AMY2B: variants seen among roughly 807,000 people sequenced by gnomAD.
AMY2B encodes amylase alpha 2B.
In AMY2B, 63 loss-of-function variants were observed where a neutral mutation model predicts 59.3. The ratio of observed to expected loss-of-function variants is 1.06; its 90% CI spans 0.87 to 1.31. AMY2B has a LOEUF of 1.31. Ranked by LOEUF, AMY2B falls within the 50% of genes most tolerant of loss-of-function variation. The pLI is 0.00. For missense variants in AMY2B, 635 were observed against 626.7 expected (o/e 1.01, Z -0.14); for synonymous variants, 180 against 198.1 (o/e 0.91, Z 0.77).
At chr1:103,569,715 C>CT, upstream of AMY2B, 1 of 402,914 alleles carries the variant, frequency 2.5e-6, no homozygotes, top group Admixed American at 2.9e-5. Flanking sequence ...CCTATGTGGG[C>CT]TACATGGCTG....
intron 1 of AMY2B, among the ~76,000 whole-genome samples, chr1:103,557,418 A>G (rs1000381755): frequency 7.2e-5 from 11 of 152,150 alleles, no homozygotes; most frequent in African/African-American, 2.7e-4. Flanking sequence ...TGGGAGGCCA[A>G]CGCAGGTGGA....
chr1:103,556,231 G>C (rs1651543983), intron 1 of AMY2B, among the ~76,000 whole-genome samples: 2 of 152,136 alleles, frequency 1.3e-5, no homozygotes, highest in Non-Finnish European at 2.9e-5. Flanking sequence ...GTGGTTTTGT[G>C]TTTTTCTCCA....
intron 5 of AMY2B, among the ~76,000 whole-genome samples, 165 bp from the exon 6 acceptor site, chr1:103,575,058 A>ATG (rs1268577947): frequency 1.2e-5 from 1 of 86,480 alleles, no homozygotes; most frequent in South Asian, 5.2e-4. Flanking sequence ...GTGTGTGTGT[A>ATG]TGTATATATA....
chr1:103,564,028 A>G (rs1045701231), intron 1 of AMY2B, among the ~76,000 whole-genome samples: 3 of 152,154 alleles, frequency 2.0e-5, no homozygotes, highest in African/African-American at 7.2e-5. Flanking sequence ...GAAAGACAGT[A>G]TGAGTTGATA....
intron 1 of AMY2B, among the ~76,000 whole-genome samples, chr1:103,563,580 G>A (rs1171727614): frequency 1.3e-5 from 2 of 152,150 alleles, no homozygotes; most frequent in East Asian, 3.9e-4. Context: ...TGAAAATTAA[G>A]ATCAAATGAG....
chr1:103,570,474 A>G, upstream of AMY2B: 2 of 690,892 alleles, frequency 2.9e-6, no homozygotes, highest in Admixed American at 3.6e-5. Context: ...CCCAGGCATC[A>G]CCGACAGGAT....
rs778442863 is a variant in AMY2B at position 103,573,871 on chromosome 1, T to G, written c.677T>G (p.Leu226Trp). ...TGGCCTGGAGACATAAAGGCAATTT[T>G]GGACAAACTGCATAATCTAAACAGT... ...HMWPGDIKAI[L>W]DKLHNLNSNW... The change falls in exon 4 of 10, where the codon TTG (leucine) becomes TGG (tryptophan). Residue 226 changes from leucine to tryptophan, a missense_variant. Physicochemically the swap from Leu to Trp is moderately conservative, Grantham distance 61. Coordinates refer to ENST00000684275, the MANE Select transcript of AMY2B (RefSeq NM_001387437.1). The G allele has an allele frequency of 1.9e-6, 3 of 1,613,864 alleles. No homozygotes were observed. Among genetic ancestry groups the G allele is most frequent in the Middle Eastern group, 1.7e-4 (1 of 6,052 alleles).
chr1:103,573,878 A>G lies in AMY2B; in HGVS notation c.684A>G (p.Lys228=), dbSNP rs747797354. ...GAGACATAAAGGCAATTTTGGACAA[A>G]CTGCATAATCTAAACAGTAACTGGT... is the stretch of plus-strand genomic sequence containing the variant. ...WPGDIKAILD[K]LHNLNSNWFP... Residue 228 remains lysine (K), a synonymous_variant, in exon 4 of 10, where the codon AAA becomes AAG. Coordinates refer to ENST00000684275, the MANE Select transcript of AMY2B (RefSeq NM_001387437.1). 2.5e-6 allele frequency: 4 copies of G among 1,613,870 alleles called. No homozygotes were observed. The highest frequency in any genetic ancestry group is 3.4e-6 in the Non-Finnish European group (4 of 1,179,788).
chr1:103,577,924 T>A, intron 9 of AMY2B, 79 bp downstream of exon 9: 1 of 1,578,376 alleles, frequency 6.3e-7, no homozygotes, highest in Non-Finnish European at 8.5e-7. Context: ...TCATTGACAT[T>A]TATCATATCT....
chr1:103,567,591 A>G (rs1474508461), upstream of AMY2B, among the ~76,000 whole-genome samples: 1 of 152,150 alleles, frequency 6.6e-6, no homozygotes, highest in Non-Finnish European at 1.5e-5. Context: ...TTCCTGGACC[A>G]CTGTAAAAGT....
In AMY2B at chr1:103,579,226, A is replaced by G. The variant is rs925458080; in HGVS notation, c.1347-85A>G. The G allele has an allele frequency of 3.7e-6, 6 of 1,608,330 alleles. No individual in the cohort carries two copies. In the Admixed American group the frequency reaches 1.0e-4, roughly 27 times the overall value. ...AGACTTCACTGCTTAGGGTTCTACA[A>G]CATAAAGTTATGCTGTTTAGTTGTG... On this transcript the variant is annotated intron_variant, in intron 9 of 9. Coordinates refer to ENST00000684275, the MANE Select transcript of AMY2B (RefSeq NM_001387437.1).
rs1652280152 is a variant in AMY2B, at chr1:103,574,792, A to T, written c.878+399A>T. Among the ~76,000 whole-genome samples, 13 of 151,556 alleles carry T rather than the reference A, an allele frequency of 8.6e-5. No individual in the cohort carries two copies. In the South Asian group the frequency reaches 2.7e-3, roughly 31 times the overall value. ...AATATAAAAATATTTATATTATAAC[A>T]ATACAGTATTGAAGCCTTATTTTAA... is the stretch of plus-strand genomic sequence containing the variant. On this transcript the variant is annotated intron_variant, in intron 5 of 9. Coordinates refer to ENST00000684275, the MANE Select transcript of AMY2B (RefSeq NM_001387437.1).
chr1:103,571,443 G>A (rs1005162956), upstream of AMY2B: 49 of 1,436,402 alleles, frequency 3.4e-5, no homozygotes, highest in Non-Finnish European at 4.1e-5. Flanking sequence ...ACTTTTTAAT[G>A]TTCTTCTCCT....
In AMY2B at chr1:103,577,514, C is replaced by T; in HGVS notation, c.1126C>T (p.Pro376Ser). Residue 376 changes from proline (P) to serine (S), a missense_variant, in exon 8 of 10, where the codon CCA becomes TCA. Pro to Ser is a moderately conservative substitution (Grantham distance 74). Coordinates refer to ENST00000684275, the MANE Select transcript of AMY2B (RefSeq NM_001387437.1). ...GGATGTTAATGATTGGGTTGGGCCA[C>T]CAAATAATAATGGAGTAATTAAAGA... ...GNDVNDWVGP[P>S]NNNGVIKEVT... 3 of 1,611,804 alleles carry T rather than the reference C, an allele frequency of 1.9e-6. No individual in the cohort carries two copies. Among genetic ancestry groups the T allele is most frequent in the Non-Finnish European group, 2.5e-6 (3 of 1,179,774 alleles).
At chr1:103,575,367 T>C (rs763999096) in intron 6 of AMY2B, 22 bp downstream of exon 6, 9 of 1,610,600 alleles carry the variant, frequency 5.6e-6, no homozygotes, top group Non-Finnish European at 7.6e-6. Flanking sequence ...AGTTCTCTAT[T>C]TTTTTTAACA....
upstream of AMY2B, chr1:103,570,954 C>A (rs1185399664): frequency 1.4e-5 from 5 of 346,536 alleles, no homozygotes; most frequent in Non-Finnish European, 2.8e-5. Flanking sequence ...TGGCTAAAAA[C>A]GTACTTGTGG....
At position 103,579,325 on chromosome 1, in the gene AMY2B, C is replaced by T; in HGVS notation, c.1361C>T (p.Thr454Ile). The change falls in exon 10 of 10, where the codon ACT becomes ATT. Residue 454 changes from threonine to isoleucine, a missense_variant. Physicochemically the swap from Thr to Ile is moderately conservative, Grantham distance 89 (BLOSUM62 -1). Transcript: ENST00000684275. The part of the protein sequence containing the change: ...FNNDDWTFSL[T>I]LQTGLPAGTY... ...TTATTTTACAGGACATTTTCTTTAA[C>T]TTTGCAAACTGGTCTTCCTGCTGGC... 1.2e-6 allele frequency: 2 copies of T among 1,611,654 alleles called. No homozygotes were observed. Among genetic ancestry groups the T allele is most frequent in the Non-Finnish European group, 1.7e-6 (2 of 1,179,662 alleles).
At chr1:103,579,182 A>G (rs1256814287) in intron 9 of AMY2B, 129 bp from the exon 10 acceptor site, 3 of 1,553,400 alleles carry the variant, frequency 1.9e-6, no homozygotes, top group Admixed American at 2.0e-5. Context: ...AGGGAGGCAT[A>G]TGGGTTTTCT....
At chr1:103,556,928 C>T (rs569466467) in intron 1 of AMY2B, among the ~76,000 whole-genome samples, 1 of 152,002 alleles carries the variant, frequency 6.6e-6, no homozygotes, top group Non-Finnish European at 1.5e-5. Context: ...TTTAGTAATT[C>T]ATGCTAACAA....
Sources: gnomAD v4.1 joint callset for allele counts (sites outside exome capture counted in the v4.1 genomes callset) on GRCh38, gnomAD v4.1.1 for gene constraint, MANE v1.5 for transcripts, NCBI Gene and HGNC (gene_info 2026-07-23, HGNC 2026-07-21) for gene names.